The following ERBB4 variants were observed in gnomAD, a reference collection of about 807,000 sequenced individuals.
ERBB4 encodes the protein erb-b2 receptor tyrosine kinase 4, also known as receptor tyrosine-protein kinase erbB-4.
In ERBB4, 42 loss-of-function variants were observed where a neutral mutation model predicts 158.0. The observed-to-expected ratio is 0.27, with a 90% CI of 0.21 to 0.34. The LOEUF (loss-of-function observed/expected upper bound fraction) is 0.34. Ranked by LOEUF, ERBB4 falls within the 10% of genes least tolerant of loss-of-function variation. The pLI, the probability that ERBB4 is intolerant of heterozygous loss-of-function variation, is 1.00. For missense variants in ERBB4, 1,333 were observed against 1,624.1 expected (o/e 0.82, Z 3.08); for synonymous variants, 583 against 558.7 (o/e 1.04, Z -0.61).
chr2:211,830,538 C>T (rs893586762), intron 3 of ERBB4, among the ~76,000 whole-genome samples: 1 of 152,072 alleles, frequency 6.6e-6, no homozygotes, highest in Non-Finnish European at 1.5e-5. Flanking sequence ...AAATTTCCTA[C>T]TGTTAACAAT....
chr2:212,409,408 G>T (rs2106482834), intron 1 of ERBB4, among the ~76,000 whole-genome samples: 1 of 151,970 alleles, frequency 6.6e-6, no homozygotes, highest in East Asian at 1.9e-4. Flanking sequence ...GAGATTTGTG[G>T]GTTATTTTTT....
At chr2:212,494,858 G>C (rs1012972739) in intron 1 of ERBB4, among the ~76,000 whole-genome samples, 5 of 152,112 alleles carry the variant, frequency 3.3e-5, no homozygotes, top group Admixed American at 1.3e-4. Context: ...ACTCCTCCCT[G>C]TTAGTCATTA....
At chr2:212,039,434 T>A (rs2077088061) in intron 2 of ERBB4, among the ~76,000 whole-genome samples, 1 of 152,164 alleles carries the variant, frequency 6.6e-6, no homozygotes, top group South Asian at 2.1e-4. Flanking sequence ...CATGGCTACA[T>A]TTTGCCTCTT....
chr2:211,858,977 T>C (rs1477493198), intron 3 of ERBB4, among the ~76,000 whole-genome samples: 1 of 152,094 alleles, frequency 6.6e-6, no homozygotes, highest in Non-Finnish European at 1.5e-5. Flanking sequence ...AGACAGGGTT[T>C]CACCATGTTG....
At chr2:212,339,224 T>G (rs555425352) in intron 1 of ERBB4, among the ~76,000 whole-genome samples, 1 of 152,250 alleles carries the variant, frequency 6.6e-6, no homozygotes, top group Non-Finnish European at 1.5e-5. Flanking sequence ...CCATGTGTTC[T>G]CATTGTTCAG....
chr2:211,380,035 T>C lies in ERBB4; in HGVS notation c.*3580A>G, dbSNP rs200338466. 4.0e-5 allele frequency: 7 copies of C among 173,824 alleles called. No homozygotes were observed. In the East Asian group the frequency reaches 5.3e-4, roughly 13 times the overall value. The allele number at this position is 173,824 out of a possible 1,614,324, so 10.8% of individuals were successfully genotyped here. Reference sequence around the variant, plus strand: ...GTATTAGCTCACACACTATAACACTTAAACACTATTCCTTCTCTTAAATTA... The same window carrying C: ...GTATTAGCTCACACACTATAACACTCAAACACTATTCCTTCTCTTAAATTA... On this transcript the variant is annotated 3_prime_UTR_variant, in exon 28 of 28. Coordinates refer to ENST00000342788, the MANE Select transcript of ERBB4 (RefSeq NM_005235.3).
At chr2:211,693,698 T>C (rs1297828172) in intron 12 of ERBB4, among the ~76,000 whole-genome samples, 1 of 152,214 alleles carries the variant, frequency 6.6e-6, no homozygotes, top group Non-Finnish European at 1.5e-5. Flanking sequence ...CCCACCCCAC[T>C]GTCTGTGTTA....
Position 211,424,279 on chromosome 2 carries a change from C to T in ERBB4, c.2742G>A (p.Met914Ile), listed in dbSNP as rs374581758. The T allele has an allele frequency of 2.5e-6, 4 of 1,612,826 alleles. No individual in the cohort carries two copies. Among genetic ancestry groups the T allele is most frequent in the Non-Finnish European group, 3.4e-6 (4 of 1,179,188 alleles). ...CATCATAGGGTTTTCCTCCAAAGGT[C>T]ATCAGTTCCCATATAGTAACTCCTA... Reference protein sequence around the residue: ...WSYGVTIWELMTFGGKPYDGI... With the variant: ...WSYGVTIWELITFGGKPYDGI... The change falls in exon 23 of 28, where the codon ATG (methionine) becomes ATA (isoleucine). Residue 914 changes from methionine to isoleucine, a missense_variant. Physicochemically the swap from Met to Ile is conservative, Grantham distance 10 (BLOSUM62 1). Around this residue, in one of 5 missense-constraint regions of ERBB4, gnomAD observed 314 missense variants for 437.6 expected, o/e 0.72. Coordinates refer to ENST00000342788, the MANE Select transcript of ERBB4 (RefSeq NM_005235.3).
At chr2:212,230,296 A>AAAG (rs540095772) in intron 1 of ERBB4, among the ~76,000 whole-genome samples, 274 of 152,204 alleles carry the variant, frequency 1.8e-3, no homozygotes, top group African/African-American at 5.7e-3. Context: ...AAAAAAGGAA[A>AAAG]AAGAATATGG....
intron 20 of ERBB4, among the ~76,000 whole-genome samples, chr2:211,435,975 G>C (rs2063844252): frequency 6.9e-6 from 1 of 145,892 alleles, no homozygotes; most frequent in African/African-American, 2.6e-5. Context: ...TTTTTTTTTT[G>C]AGACAAGGTC....
At chr2:212,393,542 A>G (rs1227204882) in intron 1 of ERBB4, among the ~76,000 whole-genome samples, 1 of 152,056 alleles carries the variant, frequency 6.6e-6, no homozygotes, top group Non-Finnish European at 1.5e-5. Flanking sequence ...TATTTACATT[A>G]CTTCATTCTA....
intron 19 of ERBB4, among the ~76,000 whole-genome samples, chr2:211,610,743 A>G (rs2069163180): frequency 6.6e-6 from 1 of 152,162 alleles, no homozygotes; most frequent in Non-Finnish European, 1.5e-5. Context: ...AATATGGAAA[A>G]CGATGTCTTC....
intron 1 of ERBB4, among the ~76,000 whole-genome samples, chr2:212,338,739 A>G (rs1026315044): frequency 1.5e-4 from 23 of 152,192 alleles, no homozygotes; most frequent in Admixed American, 1.2e-3. Flanking sequence ...CTAATTATTC[A>G]TAAAAGAAAA....
chr2:211,664,176 A>G (rs906598183), intron 15 of ERBB4, among the ~76,000 whole-genome samples: 1 of 152,182 alleles, frequency 6.6e-6, no homozygotes, highest in Non-Finnish European at 1.5e-5. Flanking sequence ...AACATCTGCA[A>G]ATTGATGTTT....
chr2:212,397,511 G>A (rs965726116), intron 1 of ERBB4, among the ~76,000 whole-genome samples: 11 of 141,578 alleles, frequency 7.8e-5, no homozygotes, highest in African/African-American at 2.8e-4. Flanking sequence ...AAGGAAGGAA[G>A]GGGGGAAGGG....
intron 3 of ERBB4, among the ~76,000 whole-genome samples, chr2:211,876,703 G>C (rs996338272): frequency 6.6e-6 from 1 of 152,104 alleles, no homozygotes; most frequent in African/African-American, 2.4e-5. Flanking sequence ...ACTGGTAAGA[G>C]GCATGAGGGA....
chr2:212,469,148 T>TATA (rs1164468474), intron 1 of ERBB4, among the ~76,000 whole-genome samples: 1 of 152,196 alleles, frequency 6.6e-6, no homozygotes, highest in Non-Finnish European at 1.5e-5. Flanking sequence ...AAAATCTACA[T>TATA]ATAATACAGT....
At chr2:212,404,862 C>A (rs2091302481) in intron 1 of ERBB4, among the ~76,000 whole-genome samples, 1 of 152,004 alleles carries the variant, frequency 6.6e-6, no homozygotes. Flanking sequence ...CTCACGAGTT[C>A]TCATCATTTA....
intron 16 of ERBB4, among the ~76,000 whole-genome samples, chr2:211,649,757 A>G (rs765539030): frequency 4.0e-4 from 61 of 151,964 alleles, no homozygotes; most frequent in Non-Finnish European, 8.8e-5. Flanking sequence ...CATGGCTACA[A>G]GCATTCAGAG....
Sources: gnomAD v4.1 joint callset for allele counts (sites outside exome capture counted in the v4.1 genomes callset) on GRCh38, gnomAD v4.1.1 for gene constraint, gnomAD v4.1.1 regional missense constraint, MANE v1.5 for transcripts, NCBI Gene and HGNC (gene_info 2026-07-23, HGNC 2026-07-21) for gene names.